HAUS6: variants seen among roughly 807,000 people sequenced by gnomAD.
HAUS6 encodes the protein HAUS augmin like complex subunit 6.
In HAUS6, 80 loss-of-function variants were observed where a neutral mutation model predicts 106.8. That is an observed-to-expected ratio of 0.75 (90% confidence interval 0.63 to 0.90). The LOEUF is 0.90. Ranked by LOEUF, HAUS6 falls within the 40% of genes least tolerant of loss-of-function variation. The probability of loss-of-function intolerance (pLI) is 0.00; values close to 1 mark genes in which losing one functional copy is unlikely to be tolerated. For missense variants in HAUS6, 1,155 were observed against 1,118.1 expected, an observed-to-expected ratio of 1.03 and a Z score of -0.47; for synonymous variants, 356 against 379.1, an observed-to-expected ratio of 0.94 and a Z score of 0.71.
intron 5 of HAUS6, among the ~76,000 whole-genome samples, chr9:19,088,279 G>A (rs1301761401): frequency 6.6e-6 from 1 of 151,888 alleles, no homozygotes; most frequent in Non-Finnish European, 1.5e-5. Flanking sequence ...AGCTAGGCAT[G>A]GTAGCATGCA....
chr9:19,097,630 C>A (rs1267031578), intron 1 of HAUS6, among the ~76,000 whole-genome samples: 1 of 152,108 alleles, frequency 6.6e-6, no homozygotes, highest in Non-Finnish European at 1.5e-5. Context: ...GGAGAAAGCA[C>A]TGATTTGAAA....
chr9:19,102,078 G>GCTAA (rs1818000683), intron 1 of HAUS6, among the ~76,000 whole-genome samples: 1 of 152,130 alleles, frequency 6.6e-6, no homozygotes, highest in African/African-American at 2.4e-5. Flanking sequence ...GTTGTTTTAT[G>GCTAA]CTAACTCCAA....
chr9:19,079,991 A>G (rs907163997), intron 9 of HAUS6, among the ~76,000 whole-genome samples: 1 of 151,360 alleles, frequency 6.6e-6, no homozygotes, highest in African/African-American at 2.4e-5. Flanking sequence ...CCTGACCAAC[A>G]TGGAGAAAAC....
At chr9:19,062,677 T>G (rs2131102346) in intron 14 of HAUS6, among the ~76,000 whole-genome samples, 2 of 152,326 alleles carry the variant, frequency 1.3e-5, no homozygotes, top group South Asian at 4.1e-4. Context: ...GATTTTGTTT[T>G]TTGAAACAGG....
chr9:19,058,259 T>C lies in HAUS6; in HGVS notation c.2508A>G (p.Arg836=). The change falls in exon 16 of 17, where the codon AGA becomes AGG. Residue 836 remains arginine, a synonymous_variant. Coordinates refer to ENST00000380502, the MANE Select transcript of HAUS6 (RefSeq NM_017645.5). The part of the protein sequence containing the change: ...SDFNLQALRS[R]YEALKKSLSK... Reference sequence around the variant, plus strand: ...AAAGAGATTTCTTCAGAGCCTCGTATCTACTGCGAAGAGCCTGTAAATTAA... The same window carrying C: ...AAAGAGATTTCTTCAGAGCCTCGTACCTACTGCGAAGAGCCTGTAAATTAA... 1 of 1,613,944 alleles carries C rather than the reference T, an allele frequency of 6.2e-7. No homozygotes were observed. The highest frequency in any genetic ancestry group is 8.5e-7 in the Non-Finnish European group (1 of 1,179,826).
chr9:19,074,212 A>C (rs1363423806), intron 11 of HAUS6, among the ~76,000 whole-genome samples: 1 of 152,062 alleles, frequency 6.6e-6, no homozygotes, highest in Non-Finnish European at 1.5e-5. Flanking sequence ...GCACCACTGC[A>C]CTCCAACCTG....
intron 11 of HAUS6, chr9:19,073,918 C>T (rs1836931493): frequency 6.6e-6 from 1 of 152,028 alleles, no homozygotes. Context: ...ATGCATAACA[C>T]TAATTTTTAA....
intron 1 of HAUS6, among the ~76,000 whole-genome samples, chr9:19,101,563 G>C (rs1817987650): frequency 6.7e-6 from 1 of 150,306 alleles, no homozygotes; most frequent in South Asian, 2.1e-4. Flanking sequence ...GATTGCTTGA[G>C]CCCAGGAATT....
chr9:19,093,446 T>C (rs915598590), intron 3 of HAUS6, 143 bp from the exon 4 acceptor site: 14 of 743,432 alleles, frequency 1.9e-5, no homozygotes, highest in Non-Finnish European at 3.1e-5. Flanking sequence ...TAGGTTGGCG[T>C]GGGGTTCCCT....
At chr9:19,063,771 G>A in intron 12 of HAUS6, 191 bp from the exon 13 acceptor site, 1 of 742,432 alleles carries the variant, frequency 1.3e-6, no homozygotes, top group Non-Finnish European at 2.5e-6. Flanking sequence ...AGCCCAATTT[G>A]TGTATCAGCC....
At chr9:19,062,920 C>A (rs1298821469) in intron 14 of HAUS6, 88 bp downstream of exon 14, 1 of 996,990 alleles carries the variant, frequency 1.0e-6, no homozygotes, top group Non-Finnish European at 1.5e-6. Flanking sequence ...CTTGCCGAAA[C>A]CTCCCCAAGT....
At chr9:19,070,132 G>T in intron 12 of HAUS6, 87 bp downstream of exon 12, 1 of 757,556 alleles carries the variant, frequency 1.3e-6, no homozygotes, top group Non-Finnish European at 2.2e-6. Context: ...CAGAAGTCCA[G>T]CTGGCTTCAC....
intron 6 of HAUS6, 100 bp downstream of exon 6, chr9:19,086,991 A>G (rs1249438891): frequency 1.5e-6 from 1 of 687,894 alleles, no homozygotes; most frequent in African/African-American, 1.8e-5. Flanking sequence ...CTATTGATAT[A>G]TTATTTTAAT....
chr9:19,099,674 C>G (rs889532176), intron 1 of HAUS6, among the ~76,000 whole-genome samples: 1 of 152,210 alleles, frequency 6.6e-6, no homozygotes, highest in Non-Finnish European at 1.5e-5. Context: ...GTTGCCCAGG[C>G]TGGTCTCAAA....
At chr9:19,069,603 A>AG (rs1208222487) in intron 12 of HAUS6, among the ~76,000 whole-genome samples, 1 of 152,068 alleles carries the variant, frequency 6.6e-6, no homozygotes, top group Non-Finnish European at 1.5e-5. Flanking sequence ...TGAACCCAGG[A>AG]GGGGAACTAT....
At chr9:19,065,671 T>C (rs988438061) in intron 12 of HAUS6, among the ~76,000 whole-genome samples, 5 of 151,906 alleles carry the variant, frequency 3.3e-5, no homozygotes, top group African/African-American at 1.2e-4. Flanking sequence ...TGAAACCCCA[T>C]ATCTACTAAA....
chr9:19,060,937 G>A (rs1836601826), intron 14 of HAUS6, among the ~76,000 whole-genome samples: 1 of 151,964 alleles, frequency 6.6e-6, no homozygotes, highest in African/African-American at 2.4e-5. Context: ...CGAGACGGTC[G>A]GATCACTTCA....
rs367843922 is a variant in HAUS6 at position 19,096,681 on chromosome 9, C to G, written c.217G>C (p.Val73Leu). The change falls in exon 2 of 17, where the codon GTT (valine) becomes CTT (leucine). Residue 73 changes from valine to leucine, a missense_variant. Physicochemically the swap from Val to Leu is conservative, Grantham distance 32. This residue lies in a region of HAUS6 where 761 missense variants were observed against 690.0 expected (regional missense o/e 1.10). Transcript: ENST00000380502. The part of the protein sequence containing the change: ...QVLDQSLTKE[V>L]FKFCWPPFDQ... Reference sequence around the variant, plus strand: ...GAAATTATTTTTCCTTACTTGAAAACTTCTTTGGTGAGAGACTGGTCCAGA... The same window carrying G: ...GAAATTATTTTTCCTTACTTGAAAAGTTCTTTGGTGAGAGACTGGTCCAGA... The G allele has an allele frequency of 2.9e-6, 4 of 1,377,004 alleles. No homozygotes were observed. The highest frequency in any genetic ancestry group is 4.0e-6 in the Non-Finnish European group (4 of 1,008,914). The allele number at this position is 1,377,004 out of a possible 1,614,324, so 85.3% of individuals were successfully genotyped here. A position where few individuals can be genotyped will look rare whatever the true frequency, so the allele number is the denominator to read the frequency against.
At chr9:19,077,947 G>C (rs562590012) in intron 10 of HAUS6, among the ~76,000 whole-genome samples, 3 of 152,178 alleles carry the variant, frequency 2.0e-5, no homozygotes, top group East Asian at 3.9e-4. Flanking sequence ...TGTAGTCCCA[G>C]CTACTCAGAA....
Sources: allele counts gnomAD v4.1 joint callset (sites outside exome capture counted in the v4.1 genomes callset), GRCh38; gene constraint gnomAD v4.1.1; regional missense constraint gnomAD v4.1.1; transcripts MANE v1.5; gene names NCBI Gene and HGNC (gene_info 2026-07-23, HGNC 2026-07-21).